The following ANK3 variants were observed in gnomAD, a reference collection of about 807,000 sequenced individuals.
ANK3 encodes the protein ankyrin-3.
Under a neutral mutation model 370.9 loss-of-function variants are expected in ANK3, and 57 were observed. That is an observed-to-expected ratio of 0.15 (90% CI 0.12 to 0.19). ANK3 has a LOEUF of 0.19. Ranked by LOEUF, ANK3 falls within the 10% of genes least tolerant of loss-of-function variation. The pLI is 1.00. For missense variants in ANK3, 4,439 were observed against 5,302.1 expected (o/e 0.84, Z 5.06); for synonymous variants, 1,929 against 1,946.3 (o/e 0.99, Z 0.23).
chr10:60,411,702 C>A (rs2063563654), intron 2 of ANK3, among the ~76,000 whole-genome samples: 1 of 152,086 alleles, frequency 6.6e-6, no homozygotes, highest in African/African-American at 2.4e-5. Flanking sequence ...GATATGAATC[C>A]CAGCATGGTC....
rs533916958 is a variant in ANK3 at position 60,617,483 on chromosome 10, C to T, written c.58-2259G>A. ...TTGAGGCACACCTGAGCTCTGATGT[C>T]AGTTTTTGACACCTGGGCAAGTCTA... On this transcript the variant is annotated intron_variant, in intron 1 of 43. Transcript: ENST00000373827. Among the ~76,000 whole-genome samples, 6 of 152,250 alleles carry T rather than the reference C, an allele frequency of 3.9e-5. No homozygotes were observed. In the South Asian group the frequency reaches 1.2e-3, roughly 32 times the overall value.
intron 24 of ANK3, among the ~76,000 whole-genome samples, chr10:60,135,800 C>T (rs1477586092): frequency 6.6e-6 from 1 of 152,160 alleles, no homozygotes; most frequent in Non-Finnish European, 1.5e-5. Flanking sequence ...ATCCTTTTAT[C>T]AAGGTACAGA....
intron 1 of ANK3, among the ~76,000 whole-genome samples, chr10:60,657,553 T>C (rs1446967140): frequency 6.6e-6 from 1 of 152,194 alleles, no homozygotes; most frequent in Non-Finnish European, 1.5e-5. Context: ...TTATTGATTT[T>C]AGTTTTATTT....
At chr10:60,456,708 C>G (rs551083533) in intron 2 of ANK3, among the ~76,000 whole-genome samples, 1 of 152,296 alleles carries the variant, frequency 6.6e-6, no homozygotes, top group South Asian at 2.1e-4. Context: ...AAAATCAACT[C>G]AGTCTTAGCT....
intron 28 of ANK3, among the ~76,000 whole-genome samples, chr10:60,091,825 G>A (rs914028320): frequency 4.0e-5 from 6 of 151,892 alleles, no homozygotes; most frequent in African/African-American, 1.5e-4. Flanking sequence ...CTGCCTCCCG[G>A]GTTCAAGCAC....
intron 2 of ANK3, among the ~76,000 whole-genome samples, chr10:60,414,717 T>A (rs2063625876): frequency 6.6e-6 from 1 of 152,190 alleles, no homozygotes. Flanking sequence ...TTACTGGATG[T>A]CCAAACAATA....
chr10:60,097,763 T>A (rs1263315233), intron 28 of ANK3, among the ~76,000 whole-genome samples: 3 of 152,164 alleles, frequency 2.0e-5, no homozygotes, highest in Non-Finnish European at 4.4e-5. Flanking sequence ...GTTTCCTGTA[T>A]CAATTTAGAT....
intron 1 of ANK3, among the ~76,000 whole-genome samples, chr10:60,353,853 G>C (rs937227886): frequency 2.0e-5 from 3 of 152,230 alleles, no homozygotes; most frequent in Non-Finnish European, 4.4e-5. Flanking sequence ...TCCCCAGGGA[G>C]ATCCCAGCCT....
chr10:60,602,683 T>C (rs1339426223), intron 2 of ANK3, among the ~76,000 whole-genome samples: 1 of 152,112 alleles, frequency 6.6e-6, no homozygotes, highest in East Asian at 1.9e-4. Flanking sequence ...CACAGGCATC[T>C]CACTGAAATA....
intron 1 of ANK3, among the ~76,000 whole-genome samples, chr10:60,289,629 G>C (rs1330508982): frequency 3.3e-5 from 5 of 151,962 alleles, no homozygotes; most frequent in Admixed American, 3.3e-4. Context: ...AAACTCCTAG[G>C]CTCAAGTGAT....
At chr10:60,517,758 G>A (rs993500826) in intron 2 of ANK3, among the ~76,000 whole-genome samples, 1 of 92,484 alleles carries the variant, frequency 1.1e-5, no homozygotes, top group African/African-American at 3.2e-5. Context: ...AAGAGAGAAA[G>A]AGAGAGAGAG....
chr10:60,644,088 C>A (rs1368229994), intron 1 of ANK3, among the ~76,000 whole-genome samples: 1 of 152,028 alleles, frequency 6.6e-6, no homozygotes, highest in Non-Finnish European at 1.5e-5. Flanking sequence ...CCAAAAGAAC[C>A]CAGACTAATA....
In ANK3 at chr10:60,115,974, T is replaced by A. The variant is rs530899975; in HGVS notation, c.2842-1643A>T. On this transcript the variant is annotated intron_variant, in intron 25 of 43. Transcript: ENST00000280772. ...AAACCTCAGTGAAATGACAGTCACA[T>A]AGTTAAAAATACAGACACAGAAAGG... 1.7e-4 allele frequency among the ~76,000 whole-genome samples: 26 copies of A among 152,246 alleles called. No homozygotes were observed. The South Asian group carries it at 5.2e-3, about 30-fold the overall frequency.
At chr10:60,473,966 CAAAAAAA>C (rs139841930) in intron 2 of ANK3, among the ~76,000 whole-genome samples, 1 of 92,690 alleles carries the variant, frequency 1.1e-5, no homozygotes, top group Non-Finnish European at 2.1e-5. Flanking sequence ...CCTGTTTCTA[CAAAAAAA>C]AAAAAAAAAA....
chr10:60,033,074 C>A (rs2074059552), intron 43 of ANK3, among the ~76,000 whole-genome samples: 1 of 152,226 alleles, frequency 6.6e-6, no homozygotes, highest in Non-Finnish European at 1.5e-5. Context: ...GAGATAGATG[C>A]AGTTGCACTT....
chr10:60,519,203 C>G (rs2076293955), intron 2 of ANK3, among the ~76,000 whole-genome samples: 1 of 152,098 alleles, frequency 6.6e-6, no homozygotes, highest in Admixed American at 6.6e-5. Context: ...TAAAGAATGA[C>G]AAGCTCCAGC....
At position 60,502,484 on chromosome 10, in the gene ANK3, G is replaced by A. The variant is rs55672059; in HGVS notation, c.96+112702C>T. 1.6e-3 allele frequency among the ~76,000 whole-genome samples: 243 copies of A among 152,208 alleles called. 1 individual carries two copies. The highest frequency in any genetic ancestry group is 2.7e-3 in the Non-Finnish European group (183 of 68,020). ...ATAATCGTTGCCAAAGCTCAATGACGTATCTATGTAAAACATTTGGCAGAA... is the reference window on the plus strand; with the variant it reads ...ATAATCGTTGCCAAAGCTCAATGACATATCTATGTAAAACATTTGGCAGAA... On this transcript the variant is annotated intron_variant, in intron 2 of 43. Coordinates refer to the ANK3 transcript ENST00000373827.
chr10:60,362,219 A>G (rs925484582), intron 1 of ANK3, among the ~76,000 whole-genome samples: 3 of 152,256 alleles, frequency 2.0e-5, no homozygotes, highest in Non-Finnish European at 4.4e-5. Flanking sequence ...ATTTCATTAA[A>G]AAACACTGCT....
chr10:60,094,341 C>T (rs575725644), intron 28 of ANK3, among the ~76,000 whole-genome samples: 47 of 152,046 alleles, frequency 3.1e-4, no homozygotes, highest in African/African-American at 1.1e-3. Context: ...CCATGCGCTA[C>T]CATGCCCAGC....
Sources: allele counts gnomAD v4.1 joint callset (sites outside exome capture counted in the v4.1 genomes callset), GRCh38; gene constraint gnomAD v4.1.1; transcripts MANE v1.5; gene names NCBI Gene and HGNC (gene_info 2026-07-23, HGNC 2026-07-21).